The following DDX18 variants were observed in gnomAD, a reference collection of about 807,000 sequenced individuals.
DDX18 encodes the protein DEAD-box helicase 18.
DDX18 carries 23 observed loss-of-function variants against 73.5 expected under a neutral mutation model. The ratio of observed to expected loss-of-function variants is 0.31; its 90% confidence interval spans 0.23 to 0.44. The LOEUF is 0.44. Ranked by LOEUF, DDX18 falls within the 20% of genes least tolerant of loss-of-function variation. DDX18 has a pLI of 1.00. For synonymous variants in DDX18, 268 were observed against 282.7 expected (o/e 0.95, Z 0.52); for missense variants, 753 against 792.9 (o/e 0.95, Z 0.60).
chr2:117,818,079 A>G (rs1030135009), intron 2 of DDX18, among the ~76,000 whole-genome samples: 12 of 152,188 alleles, frequency 7.9e-5, no homozygotes, highest in Non-Finnish European at 1.5e-5. Context: ...CTTTGAAAGG[A>G]ATATTAGTTA....
chr2:117,825,714 C>T, intron 10 of DDX18, 115 bp downstream of exon 10: 1 of 1,210,382 alleles, frequency 8.3e-7, no homozygotes, highest in African/African-American at 1.5e-5. Context: ...CCCTACTATA[C>T]AGTGACTGCA....
chr2:117,826,159 G>A (rs573338240), intron 10 of DDX18, 110 bp from the exon 11 acceptor site: 20 of 780,682 alleles, frequency 2.6e-5, no homozygotes, highest in Middle Eastern at 4.1e-4. Flanking sequence ...GCCCAGCACC[G>A]TGGGACTACA....
Position 117,814,702 on chromosome 2 carries a change from G to T in DDX18, c.-76G>T. 1 of 1,476,146 alleles carries T rather than the reference G, an allele frequency of 6.8e-7. No individual in the cohort carries two copies. The highest frequency in any genetic ancestry group is 9.4e-7 in the Non-Finnish European group (1 of 1,069,426). The allele number at this position is 1,476,146 out of a possible 1,614,324, so 91.4% of individuals were successfully genotyped here. A position where few individuals can be genotyped will look rare whatever the true frequency, so the allele number is the denominator to read the frequency against. ...TGGCCGAGCTGCGCACGTGCGGCCG[G>T]AAGGGAAGTAACGTCAGCCTGAGAA... is the stretch of plus-strand genomic sequence containing the variant. On this transcript the variant is annotated 5_prime_UTR_variant, in exon 1 of 14. Coordinates refer to ENST00000263239, the MANE Select transcript of DDX18 (RefSeq NM_006773.4).
At chr2:117,827,751 G>C (rs537674795) in intron 11 of DDX18, 1 of 152,146 alleles carries the variant, frequency 6.6e-6, no homozygotes, top group African/African-American at 2.4e-5. Context: ...TGGGCATTTG[G>C]GTTGGTTCCA....
In DDX18 at chr2:117,824,663, C is replaced by T. The variant is rs200212017; in HGVS notation, c.1161C>T (p.Gly387=). 19 of 1,491,174 alleles carry T rather than the reference C, an allele frequency of 1.3e-5. No individual in the cohort carries two copies. Among genetic ancestry groups the T allele is most frequent in the East Asian group, 5.0e-5 (2 of 40,232 alleles). The allele number at this position is 1,491,174 out of a possible 1,614,324, so 92.4% of individuals were successfully genotyped here. The change falls in exon 8 of 14, where the codon GGC becomes GGT. Residue 387 remains glycine (G), a synonymous_variant. Coordinates refer to ENST00000263239, the MANE Select transcript of DDX18 (RefSeq NM_006773.4). ...ISLKKEPLYV[G]VDDDKANATV... ...TGAAAAAGGAGCCATTGTATGTTGG[C>T]GTTGATGATGATAAAGCGAATGCAA...
At position 117,829,397 on chromosome 2, in the gene DDX18, G is replaced by A. The variant is rs1294433702; in HGVS notation, c.1801G>A (p.Val601Ile). ...DSHSLKQIFN[V>I]NNLNLPQVAL... is the part of the protein sequence containing the mutation. Reference sequence around the variant, plus strand: ...CCATTCTCTGAAACAGATCTTTAATGTTAATAACCTAAATTTGCCTCAGGT... The same window carrying A: ...CCATTCTCTGAAACAGATCTTTAATATTAATAACCTAAATTTGCCTCAGGT... Residue 601 changes from valine to isoleucine, a missense_variant, in exon 13 of 14, where the codon GTT becomes ATT. Val to Ile is a conservative substitution (Grantham distance 29). Transcript: ENST00000263239. 3 of 1,613,972 alleles carry A rather than the reference G, an allele frequency of 1.9e-6. No homozygotes were observed.
chr2:117,819,882 A>G, intron 3 of DDX18, 90 bp downstream of exon 3: 2 of 1,262,222 alleles, frequency 1.6e-6, no homozygotes, highest in East Asian at 2.8e-5. Flanking sequence ...TGTGACTTTC[A>G]GTTTACCTGA....
At position 117,814,744 on chromosome 2, in the gene DDX18, T is replaced by A; in HGVS notation, c.-34T>A. On this transcript the variant is annotated 5_prime_UTR_variant, in exon 1 of 14. Transcript: ENST00000263239. The stretch of plus-strand genomic sequence containing the variant: ...GCCTGAGAACTGAGTAGCTGTACTG[T>A]GTGGCGCCTTATTCTAGGCACTTGT... 1.9e-6 allele frequency: 3 copies of A among 1,608,878 alleles called. No homozygotes were observed. The South Asian group carries it at 3.3e-5, about 18-fold the overall frequency.
Position 117,825,091 on chromosome 2 carries a change from T to G in DDX18, c.1358T>G (p.Leu453Trp), listed in dbSNP as rs763357437. 4.4e-6 allele frequency: 7 copies of G among 1,608,820 alleles called. No homozygotes were observed. In the South Asian group the frequency reaches 7.8e-5, roughly 18 times the overall value. ...CTGAACTACATTGATTTGCCCGTCTTGGCCATTCATGTAAGTGATGATGAT... is the reference window on the plus strand; with the variant it reads ...CTGAACTACATTGATTTGCCCGTCTGGGCCATTCATGTAAGTGATGATGAT... ...ELLNYIDLPV[L>W]AIHGKQKQNK... is the part of the protein sequence containing the mutation. The change falls in exon 9 of 14, where the codon TTG becomes TGG. Residue 453 changes from leucine (L) to tryptophan (W), a missense_variant. Coordinates refer to ENST00000263239, the MANE Select transcript of DDX18 (RefSeq NM_006773.4).
rs1680035301 is a variant in DDX18 at position 117,832,042 on chromosome 2, G to A, written c.*1318G>A. The A allele has an allele frequency of 6.6e-6, 1 of 152,302 alleles. No individual in the cohort carries two copies. The highest frequency in any genetic ancestry group is 1.5e-5 in the Non-Finnish European group (1 of 68,036). The allele number at this position is 152,302 out of a possible 1,614,324, so 9.4% of individuals were successfully genotyped here. A position where few individuals can be genotyped will look rare whatever the true frequency, so the allele number is the denominator to read the frequency against. On this transcript the variant is annotated 3_prime_UTR_variant, in exon 14 of 14. Coordinates refer to ENST00000263239, the MANE Select transcript of DDX18 (RefSeq NM_006773.4). ...GGCTTGGCCACCATCACCCTGGTCG[G>A]ACCTGTCCTGGACTTCCAACCTTGA...
At chr2:117,819,813 T>C in intron 3 of DDX18, 21 bp downstream of exon 3, 1 of 1,542,276 alleles carries the variant, frequency 6.5e-7, no homozygotes, top group Admixed American at 2.2e-5. Context: ...GGAAGTTTTC[T>C]AGAGGTAACT....
intron 3 of DDX18, among the ~76,000 whole-genome samples, chr2:117,820,266 G>T (rs577708083): frequency 2.0e-5 from 3 of 152,316 alleles, no homozygotes; most frequent in African/African-American, 7.2e-5. Flanking sequence ...CCCAACCCTA[G>T]ACCTGCTTAA....
chr2:117,824,597 C>T lies in DDX18; in HGVS notation c.1095C>T (p.Ala365=). ...PTRRQTMLFS[A]TQTRKVEDLA... is the part of the protein sequence containing the mutation. ...GTAGACAGACTATGCTCTTTTCTGC[C>T]ACCCAAACTCGAAAAGTTGAAGACC... The change falls in exon 8 of 14, where the codon GCC becomes GCT. Residue 365 remains alanine, a synonymous_variant. Transcript: ENST00000263239. The T allele has an allele frequency of 4.1e-6, 6 of 1,478,802 alleles. No homozygotes were observed. Among genetic ancestry groups the T allele is most frequent in the Non-Finnish European group, 5.4e-6 (6 of 1,115,470 alleles). The allele number at this position is 1,478,802 out of a possible 1,614,324, so 91.6% of individuals were successfully genotyped here.
At chr2:117,818,241 A>G (rs1679790312) in intron 2 of DDX18, among the ~76,000 whole-genome samples, 1 of 152,226 alleles carries the variant, frequency 6.6e-6, no homozygotes, top group Non-Finnish European at 1.5e-5. Context: ...TGAGATTTGT[A>G]TAAGCAGAGA....
At position 117,819,765 on chromosome 2, in the gene DDX18, GTGCCCAGTC is replaced by G. The variant is rs1679815450; in HGVS notation, c.493_501del (p.Ser165_Pro167del). The G allele has an allele frequency of 1.3e-6, 2 of 1,599,454 alleles. No individual in the cohort carries two copies. The highest frequency in any genetic ancestry group is 4.5e-5 in the East Asian group (2 of 44,424). Reference sequence around the variant, plus strand: ...AGATAATGATGAAGATGAGAGTGAGGTGCCCAGTCTGCCCCTGGGACTGACAGGTAACGT... The same window carrying G: ...AGATAATGATGAAGATGAGAGTGAGGTGCCCCTGGGACTGACAGGTAACGT... On this transcript the variant is annotated inframe_deletion, in exon 3 of 14. Transcript: ENST00000263239.
At chr2:117,825,360 A>ATAAAG (rs112417042) in intron 9 of DDX18, 87 bp from the exon 10 acceptor site, 1,336,652 of 1,480,904 alleles carry the variant, frequency 0.9, 605,603 homozygotes, top group African/African-American at 0.95. Context: ...TGAGCTCGAA[A>ATAAAG]TAGGGTAACA....
chr2:117,825,736 G>A (rs1251901317), intron 10 of DDX18, 137 bp downstream of exon 10: 1 of 1,051,802 alleles, frequency 9.5e-7, no homozygotes, highest in African/African-American at 1.6e-5. Flanking sequence ...TATTTCTCTG[G>A]TATTGAAAAG....
At position 117,822,157 on chromosome 2, in the gene DDX18, G is replaced by A. The variant is rs1679856185; in HGVS notation, c.962G>A (p.Gly321Glu). Residue 321 changes from glycine to glutamate, a missense_variant, in exon 7 of 14, where the codon GGA (glycine) becomes GAA (glutamate). By Grantham distance (98) the Gly-to-Glu change is moderately conservative. Transcript: ENST00000263239. ...RLLDHMQNTP[G>E]FMYKNLQCLV... ...CCTTTGTTTTGTTAGAATACCCCAGGATTTATGTATAAAAACCTGCAGTGT... is the reference window on the plus strand; with the variant it reads ...CCTTTGTTTTGTTAGAATACCCCAGAATTTATGTATAAAAACCTGCAGTGT... The A allele has an allele frequency of 6.2e-7, 1 of 1,613,766 alleles. No individual in the cohort carries two copies. The highest frequency in any genetic ancestry group is 8.5e-7 in the Non-Finnish European group (1 of 1,179,854).
Position 117,822,076 on chromosome 2 carries a change from G to C in DDX18, c.951+15G>C, listed in dbSNP as rs533750019. ...ACCATATGCAGGTAAGAGATGTAGT[G>C]CTTGTCTCATTGTCTTGTATGAAAC... is the stretch of plus-strand genomic sequence containing the variant. On this transcript the variant is annotated intron_variant, in intron 6 of 13. Transcript: ENST00000263239. 6.2e-7 allele frequency: 1 copy of C among 1,613,948 alleles called. No homozygotes were observed. Among genetic ancestry groups the C allele is most frequent in the East Asian group, 2.2e-5 (1 of 44,876 alleles).
Sources: allele counts gnomAD v4.1 joint callset (sites outside exome capture counted in the v4.1 genomes callset), GRCh38; gene constraint gnomAD v4.1.1; transcripts MANE v1.5; gene names NCBI Gene and HGNC (gene_info 2026-07-23, HGNC 2026-07-21).